MEIS2: variants seen among roughly 807,000 people sequenced by gnomAD.
MEIS2 encodes homeobox protein Meis2.
Under a neutral mutation model 58.6 loss-of-function variants are expected in MEIS2, and 9 were observed. The observed-to-expected ratio is 0.15, with a 90% CI of 0.09 to 0.27. The LOEUF (loss-of-function observed/expected upper bound fraction) is 0.27. Among genes scored for constraint, MEIS2 ranks in the 10% least tolerant of loss-of-function variants. MEIS2 has a pLI of 1.00. For synonymous variants in MEIS2, 221 were observed against 228.4 expected (o/e 0.97, Z 0.29); for missense variants, 427 against 635.0 (o/e 0.67, Z 3.52).
chr15:37,026,418 C>T (rs538740422), intron 8 of MEIS2, among the ~76,000 whole-genome samples: 20 of 152,036 alleles, frequency 1.3e-4, no homozygotes, highest in Non-Finnish European at 2.8e-4. Flanking sequence ...TATAGAATTG[C>T]CAAATATTTC....
At chr15:36,934,719 G>T (rs2058100911) in intron 9 of MEIS2, among the ~76,000 whole-genome samples, 1 of 152,150 alleles carries the variant, frequency 6.6e-6, no homozygotes, top group African/African-American at 2.4e-5. Flanking sequence ...GCTAAAGGGA[G>T]AAAGAAAAAT....
In MEIS2 at chr15:37,099,623, G is replaced by A; in HGVS notation, c.-157C>T. ...TGCTATTTTTTAGGGGGGAAAAAAA[G>A]CCCAGTCTAGACAACGAAGAATTTT... On this transcript the variant is annotated 5_prime_UTR_variant, in exon 1 of 12. Transcript: ENST00000561208. The A allele has an allele frequency of 9.5e-7, 1 of 1,047,274 alleles. No individual in the cohort carries two copies. Among genetic ancestry groups the A allele is most frequent in the Non-Finnish European group, 1.3e-6 (1 of 746,276 alleles). The allele number at this position is 1,047,274 out of a possible 1,614,324, so 64.9% of individuals were successfully genotyped here.
At chr15:36,998,096 A>G (rs1450415532) in intron 8 of MEIS2, among the ~76,000 whole-genome samples, 4 of 152,028 alleles carry the variant, frequency 2.6e-5, no homozygotes, top group Non-Finnish European at 5.9e-5. Context: ...CCTTCAGGCC[A>G]TTTTCCTCAC....
chr15:36,899,329 G>A (rs927493486), intron 9 of MEIS2, among the ~76,000 whole-genome samples: 1 of 152,110 alleles, frequency 6.6e-6, no homozygotes, highest in Non-Finnish European at 1.5e-5. Context: ...TGAGCTGACT[G>A]TAAGAAAACC....
At chr15:36,965,706 T>C (rs2059331226) in intron 8 of MEIS2, among the ~76,000 whole-genome samples, 1 of 152,186 alleles carries the variant, frequency 6.6e-6, no homozygotes, top group Non-Finnish European at 1.5e-5. Context: ...GGAGCAAACT[T>C]TTCCCTAGCC....
chr15:37,085,815 G>C (rs1368064968), intron 6 of MEIS2, among the ~76,000 whole-genome samples: 1 of 152,138 alleles, frequency 6.6e-6, no homozygotes, highest in African/African-American at 2.4e-5. Context: ...TTTAATCTAA[G>C]TTAGAAACCA....
chr15:36,984,254 G>A (rs1187396832), intron 8 of MEIS2, among the ~76,000 whole-genome samples: 5 of 151,994 alleles, frequency 3.3e-5, no homozygotes, highest in Admixed American at 2.6e-4. Flanking sequence ...ACTTTTCACT[G>A]TTGAGTATTA....
intron 7 of MEIS2, among the ~76,000 whole-genome samples, chr15:37,037,883 A>C (rs894436990): frequency 1.3e-5 from 2 of 152,210 alleles, no homozygotes; most frequent in Non-Finnish European, 2.9e-5. Context: ...TAATAACTTT[A>C]AAAAAAGGAA....
intron 9 of MEIS2, among the ~76,000 whole-genome samples, chr15:36,904,472 GCTCCT>G (rs780179605): frequency 7.2e-5 from 11 of 152,128 alleles, no homozygotes; most frequent in Non-Finnish European, 1.3e-4. Flanking sequence ...TGAACCACAC[GCTCCT>G]GAGTTCAGAA....
intron 9 of MEIS2, among the ~76,000 whole-genome samples, chr15:36,923,889 G>C (rs1482933596): frequency 1.3e-5 from 2 of 152,164 alleles, no homozygotes; most frequent in African/African-American, 2.4e-5. Flanking sequence ...TGAAACATCT[G>C]TGGGAAAAGG....
chr15:36,991,762 G>A lies in MEIS2; in HGVS notation c.901-41362C>T, dbSNP rs1280788892. On this transcript the variant is annotated intron_variant, in intron 8 of 11. Coordinates refer to ENST00000561208, the MANE Select transcript of MEIS2 (RefSeq NM_170675.5). ...GATGATTAAAAGTACATATTAAAGT[G>A]TTAATTTTCTTTTTTTTTTTCTTTT... Among the ~76,000 whole-genome samples the A allele has an allele frequency of 3.5e-5, 4 of 114,608 alleles. No individual in the cohort carries two copies. In the East Asian group the frequency reaches 8.4e-4, roughly 24 times the overall value. 75.2% of individuals were successfully genotyped at this position (114,608 alleles called of 152,430 possible).
Position 36,892,275 on chromosome 15 carries a change from G to A in MEIS2, c.1332C>T (p.Pro444=), listed in dbSNP as rs574031945. The A allele has an allele frequency of 3.7e-6, 6 of 1,613,980 alleles. No individual in the cohort carries two copies. The highest frequency in any genetic ancestry group is 1.7e-5 in the Admixed American group (1 of 60,014). ...HHPAMMMHGG[P]PTHPGMTMSA... ...ACATAGTCATTCCAGGGTGGGTAGG[G>A]GGTCCTCCGTGCATCATCATGGCTG... Residue 444 remains proline, a synonymous_variant, in exon 12 of 12, where the codon CCC becomes CCT. Transcript: ENST00000561208.
intron 8 of MEIS2, among the ~76,000 whole-genome samples, chr15:36,952,607 CTGTGTGTGTGTGTGTGTGTG>C (rs59061267): frequency 5.7e-5 from 8 of 139,994 alleles, no homozygotes; most frequent in African/African-American, 1.1e-4. Flanking sequence ...GTCTCTCTCT[CTGTGTGTGTGTGTGTGTGTG>C]TGTGTGTGTG....
intron 7 of MEIS2, among the ~76,000 whole-genome samples, chr15:37,083,225 AC>A (rs1892461778): frequency 6.6e-6 from 1 of 152,178 alleles, no homozygotes; most frequent in Non-Finnish European, 1.5e-5. Context: ...GACAAAAGTC[AC>A]CATGTCAGCT....
At chr15:36,892,546 A>G (rs930157675) in intron 11 of MEIS2, 87 bp from the exon 12 acceptor site, 3 of 1,222,116 alleles carry the variant, frequency 2.5e-6, no homozygotes, top group African/African-American at 3.0e-5. Context: ...AAAAAAAAAA[A>G]AAAAACAACA....
intron 9 of MEIS2, among the ~76,000 whole-genome samples, chr15:36,935,568 C>T (rs1476198812): frequency 6.6e-6 from 1 of 152,056 alleles, no homozygotes; most frequent in East Asian, 1.9e-4. Context: ...AAGGTTACAA[C>T]AGCAATATAA....
intron 8 of MEIS2, among the ~76,000 whole-genome samples, chr15:36,957,175 G>A (rs976952325): frequency 3.3e-5 from 5 of 152,008 alleles, no homozygotes; most frequent in African/African-American, 1.2e-4. Context: ...CAAATGACAA[G>A]GTGGAATTTT....
intron 8 of MEIS2, among the ~76,000 whole-genome samples, chr15:36,961,025 C>T (rs1463519084): frequency 6.6e-6 from 1 of 151,810 alleles, no homozygotes; most frequent in Non-Finnish European, 1.5e-5. Context: ...TTTTCCTTCC[C>T]TTTTTTTTAG....
At chr15:36,993,674 G>C (rs576559528) in intron 8 of MEIS2, among the ~76,000 whole-genome samples, 1 of 152,142 alleles carries the variant, frequency 6.6e-6, no homozygotes, top group Admixed American at 6.5e-5. Flanking sequence ...AACAGTTTGG[G>C]GTTAAGCATT....
Sources: gnomAD v4.1 joint callset for allele counts (sites outside exome capture counted in the v4.1 genomes callset) on GRCh38, gnomAD v4.1.1 for gene constraint, MANE v1.5 for transcripts, NCBI Gene and HGNC (gene_info 2026-07-23, HGNC 2026-07-21) for gene names.